KCNH8: variants seen among roughly 807,000 people sequenced by gnomAD.
The protein encoded by KCNH8 is potassium voltage-gated channel subfamily H member 8.
In KCNH8, 70 loss-of-function variants were observed where a neutral mutation model predicts 103.6. The observed-to-expected ratio is 0.68, with a 90% CI of 0.56 to 0.82. The LOEUF (loss-of-function observed/expected upper bound fraction) is 0.82. KCNH8 is among the 40% of genes least tolerant of loss of function. The pLI is 0.00. For missense variants in KCNH8, 1,217 were observed against 1,329.9 expected (o/e 0.92, Z 1.32); for synonymous variants, 498 against 489.4 (o/e 1.02, Z -0.23).
intron 15 of KCNH8, among the ~76,000 whole-genome samples, chr3:19,528,848 T>A (rs2125252825): frequency 6.6e-6 from 1 of 152,278 alleles, no homozygotes; most frequent in African/African-American, 2.4e-5. Context: ...GATACTGAGA[T>A]AACAGTTTCT....
intron 1 of KCNH8, among the ~76,000 whole-genome samples, chr3:19,153,723 C>G (rs1355120104): frequency 6.6e-6 from 1 of 150,952 alleles, no homozygotes; most frequent in Non-Finnish European, 1.5e-5. Flanking sequence ...ACCTCCGCCT[C>G]CCGGGTTCAA....
At chr3:19,532,187 A>G (rs555071738) in intron 15 of KCNH8, among the ~76,000 whole-genome samples, 3 of 152,344 alleles carry the variant, frequency 2.0e-5, no homozygotes, top group Admixed American at 6.5e-5. Flanking sequence ...TATTTTAAGT[A>G]TAAAATGAAG....
At chr3:19,155,640 C>T (rs975089717) in intron 1 of KCNH8, among the ~76,000 whole-genome samples, 2 of 152,194 alleles carry the variant, frequency 1.3e-5, no homozygotes, top group Non-Finnish European at 1.5e-5. Flanking sequence ...CACACATACT[C>T]ATTCTAAATT....
intron 6 of KCNH8, 112 bp downstream of exon 6, chr3:19,390,750 A>G (rs573762487): frequency 6.7e-5 from 69 of 1,025,474 alleles, no homozygotes; most frequent in African/African-American, 5.9e-4. Flanking sequence ...GCCTTCTTCA[A>G]TAAAGATGCC....
chr3:19,414,244 T>C (rs2066828712), intron 7 of KCNH8, among the ~76,000 whole-genome samples: 1 of 152,076 alleles, frequency 6.6e-6, no homozygotes, highest in South Asian at 2.1e-4. Flanking sequence ...CAACTAGAGT[T>C]TGGAGCAGGG....
At chr3:19,263,084 A>G (rs2064458388) in intron 2 of KCNH8, among the ~76,000 whole-genome samples, 1 of 152,046 alleles carries the variant, frequency 6.6e-6, no homozygotes, top group South Asian at 2.1e-4. Context: ...AAAGCATCCA[A>G]GTGAGCCTGG....
At chr3:19,461,916 TTTGCTCAGAA>T (rs1190668067) in intron 11 of KCNH8, among the ~76,000 whole-genome samples, 1 of 151,978 alleles carries the variant, frequency 6.6e-6, no homozygotes, top group East Asian at 1.9e-4. Context: ...CTTGTGATAG[TTTGCTCAGAA>T]TGATGGTTTC....
At chr3:19,170,773 T>TATAC (rs2063338541) in intron 1 of KCNH8, among the ~76,000 whole-genome samples, 3 of 134,606 alleles carry the variant, frequency 2.2e-5, no homozygotes, top group African/African-American at 9.0e-5. Context: ...CACATATATA[T>TATAC]ACACACACAC....
rs554285969 is a variant in KCNH8 at position 19,368,607 on chromosome 3, G to A, written c.811+20642G>A. Among the ~76,000 whole-genome samples the A allele has an allele frequency of 2.8e-4, 43 of 152,056 alleles. No individual in the cohort carries two copies. In the East Asian group the frequency reaches 6.2e-3, roughly 22 times the overall value. On this transcript the variant is annotated intron_variant, in intron 5 of 15. Transcript: ENST00000328405. ...CTGGAGTGGAATGTTTCAAGAGACC[G>A]TCCTCAAATAAGGCCATTGAATAAA...
rs148387227 is a variant in KCNH8 at position 19,204,444 on chromosome 3, C to CTG, written c.77-49198_77-49197dup. Among the ~76,000 whole-genome samples, 1,234 of 151,438 alleles carry CTG rather than the reference C, an allele frequency of 8.1e-3. 16 individuals are homozygous for CTG. Among genetic ancestry groups the CTG allele is most frequent in the African/African-American group, 0.028 (1,156 of 41,364 alleles). ...GGGAAGAGAGAGAGAGAGAGAGTGTCTGTGTGTGTGTGTTCTGAACGCGAT... is the reference window on the plus strand; with the variant it reads ...GGGAAGAGAGAGAGAGAGAGAGTGTCTGTGTGTGTGTGTGTTCTGAACGCGAT... On this transcript the variant is annotated intron_variant, in intron 1 of 15. Transcript: ENST00000328405.
chr3:19,187,755 T>A lies in KCNH8; in HGVS notation c.76+38960T>A, dbSNP rs2063516219. On this transcript the variant is annotated intron_variant, in intron 1 of 15. Transcript: ENST00000328405. The stretch of plus-strand genomic sequence containing the variant: ...ACTATATAAATATGAGTGTTTTCAT[T>A]TTATTAAATATGTTTTAAATTGTAC... Among the ~76,000 whole-genome samples the A allele has an allele frequency of 2.6e-5, 4 of 152,096 alleles. No homozygotes were observed. The South Asian group carries it at 8.3e-4, about 31-fold the overall frequency.
At position 19,272,334 on chromosome 3, in the gene KCNH8, G is replaced by A. The variant is rs552739928; in HGVS notation, c.311-8864G>A. Among the ~76,000 whole-genome samples the A allele has an allele frequency of 8.6e-5, 13 of 151,984 alleles. No homozygotes were observed. The South Asian group carries it at 2.7e-3, about 32-fold the overall frequency. ...TGATATTCTGCCAAAAATATGAGAG[G>A]TAAACTATACTAATTATGTCACCTC... On this transcript the variant is annotated intron_variant, in intron 2 of 15. Transcript: ENST00000328405.
chr3:19,429,147 G>A (rs1472411334), intron 7 of KCNH8, among the ~76,000 whole-genome samples: 1 of 147,200 alleles, frequency 6.8e-6, no homozygotes, highest in East Asian at 2.1e-4. Flanking sequence ...AAATGCATAT[G>A]AGTCAGAATC....
At chr3:19,338,394 T>TACC (rs904261298) in intron 3 of KCNH8, among the ~76,000 whole-genome samples, 1 of 151,952 alleles carries the variant, frequency 6.6e-6, no homozygotes. Flanking sequence ...GTTTGTTCCC[T>TACC]ACCACCACCA....
At position 19,534,827 on chromosome 3, in the gene KCNH8, ATTAT is replaced by A. The variant is rs1307809504; in HGVS notation, c.*734_*737del. On this transcript the variant is annotated 3_prime_UTR_variant, in exon 16 of 16. Transcript: ENST00000328405. ...TACTGTTGTGTATAGTAGATCAAAA[ATTAT>A]TTATTACTAAGAGGATGTAGTTTCC... 6.6e-6 allele frequency: 1 copy of A among 152,316 alleles called. No individual in the cohort carries two copies. Among genetic ancestry groups the A allele is most frequent in the Non-Finnish European group, 1.5e-5 (1 of 68,036 alleles). The allele number at this position is 152,316 out of a possible 1,614,324, so 9.4% of individuals were successfully genotyped here. A position where few individuals can be genotyped will look rare whatever the true frequency, so the allele number is the denominator to read the frequency against.
chr3:19,181,730 C>T (rs947567226), intron 1 of KCNH8, among the ~76,000 whole-genome samples: 1 of 152,134 alleles, frequency 6.6e-6, no homozygotes, highest in African/African-American at 2.4e-5. Flanking sequence ...TCCTCATTGT[C>T]CCCTGTCTTG....
At chr3:19,525,702 T>G (rs920461281) in intron 15 of KCNH8, among the ~76,000 whole-genome samples, 1 of 151,960 alleles carries the variant, frequency 6.6e-6, no homozygotes, top group Non-Finnish European at 1.5e-5. Flanking sequence ...CTTGTAATTC[T>G]TCCCTAATTA....
Position 19,390,559 on chromosome 3 carries a change from A to G in KCNH8, c.890A>G (p.His297Arg), listed in dbSNP as rs752983164. ...VIFEARSICI[H>R]YVTTWFIIDL... The stretch of plus-strand genomic sequence containing the variant: ...TTTGAAGCAAGATCAATTTGCATCC[A>G]CTATGTCACAACCTGGTTCATCATT... The change falls in exon 6 of 16, where the codon CAC becomes CGC. Residue 297 changes from histidine (H) to arginine (R), a missense_variant. Physicochemically the swap from His to Arg is conservative, Grantham distance 29 (BLOSUM62 0). Transcript: ENST00000328405. 1 of 1,613,428 alleles carries G rather than the reference A, an allele frequency of 6.2e-7. No homozygotes were observed. The highest frequency in any genetic ancestry group is 1.3e-5 in the African/African-American group (1 of 74,956).
intron 11 of KCNH8, among the ~76,000 whole-genome samples, chr3:19,508,979 G>C (rs1037576636): frequency 1.3e-5 from 2 of 152,138 alleles, no homozygotes; most frequent in African/African-American, 2.4e-5. Context: ...CCATTGTCAT[G>C]TTCTTCTGTA....
Sources: allele counts gnomAD v4.1 joint callset (sites outside exome capture counted in the v4.1 genomes callset), GRCh38; gene constraint gnomAD v4.1.1; transcripts MANE v1.5; gene names NCBI Gene and HGNC (gene_info 2026-07-23, HGNC 2026-07-21).